TMEM260: variants seen among roughly 807,000 people sequenced by gnomAD.
TMEM260 encodes transmembrane protein 260.
In TMEM260, 82 loss-of-function variants were observed where a neutral mutation model predicts 88.9. The ratio of observed to expected loss-of-function variants is 0.92; its 90% CI spans 0.77 to 1.11. TMEM260 has a LOEUF of 1.11. TMEM260 is among the 50% of genes least tolerant of loss of function. The pLI, the probability that TMEM260 is intolerant of heterozygous loss-of-function variation, is 0.00. For synonymous variants in TMEM260, 314 were observed against 309.3 expected, an observed-to-expected ratio of 1.02 and a Z score of -0.16; for missense variants, 902 against 853.4, an observed-to-expected ratio of 1.06 and a Z score of -0.71.
At chr14:56,581,825 A>G (rs1885157046) in intron 1 of TMEM260, among the ~76,000 whole-genome samples, 1 of 152,242 alleles carries the variant, frequency 6.6e-6, no homozygotes, top group Non-Finnish European at 1.5e-5. Context: ...CTTAACCTCT[A>G]CTTTTCGTCA....
At chr14:56,639,649 TGCAGTGCACCATGTGTGAGCCAAA>T (rs1368341001) in intron 15 of TMEM260, among the ~76,000 whole-genome samples, 9 of 152,184 alleles carry the variant, frequency 5.9e-5, no homozygotes, top group Admixed American at 2.6e-4. Flanking sequence ...GGACAGTGGG[TGCAGTGCACCATGTGTGAGCCAAA>T]GCAGGGCAAG....
At chr14:56,592,844 CGTAGGGCAGTG>C (rs1232356191) in intron 3 of TMEM260, among the ~76,000 whole-genome samples, 1 of 152,118 alleles carries the variant, frequency 6.6e-6, no homozygotes, top group Non-Finnish European at 1.5e-5. Context: ...TCAGTATAGA[CGTAGGGCAGTG>C]TACCTTCCGT....
intron 7 of TMEM260, among the ~76,000 whole-genome samples, chr14:56,614,724 C>T (rs1007950043): frequency 2.6e-5 from 4 of 152,064 alleles, no homozygotes; most frequent in African/African-American, 9.7e-5. Context: ...CACACCCACA[C>T]TTCTGTGTTC....
intron 9 of TMEM260, among the ~76,000 whole-genome samples, chr14:56,617,821 A>C (rs1887681118): frequency 6.6e-6 from 1 of 152,216 alleles, no homozygotes; most frequent in Non-Finnish European, 1.5e-5. Context: ...GTGTGTGTTC[A>C]GGAAGCCTAA....
intron 15 of TMEM260, among the ~76,000 whole-genome samples, chr14:56,636,801 A>G (rs1376288888): frequency 1.3e-5 from 2 of 151,708 alleles, no homozygotes; most frequent in African/African-American, 4.9e-5. Context: ...GCAGAATAAT[A>G]CCTCCCACCC....
chr14:56,602,182 C>T (rs2139547454), intron 3 of TMEM260, among the ~76,000 whole-genome samples: 1 of 152,042 alleles, frequency 6.6e-6, no homozygotes, highest in East Asian at 1.9e-4. Flanking sequence ...TTGTTACAGA[C>T]AATTAAATAC....
chr14:56,641,150 A>C lies in TMEM260; in HGVS notation c.1869+4552A>C, dbSNP rs1594896842. On this transcript the variant is annotated intron_variant, in intron 15 of 15. Coordinates refer to ENST00000261556, the MANE Select transcript of TMEM260 (RefSeq NM_017799.4). ...GCAAGTCAGGCCAGCATTCAAATTCAGGAAATACAGAGAACACCACAAAGA... is the reference window on the plus strand; with the variant it reads ...GCAAGTCAGGCCAGCATTCAAATTCCGGAAATACAGAGAACACCACAAAGA... Among the ~76,000 whole-genome samples the C allele has an allele frequency of 3.3e-5, 5 of 151,224 alleles. No individual in the cohort carries two copies. In the Middle Eastern group the frequency reaches 0.014, roughly 414 times the overall value.
At chr14:56,635,548 T>C (rs1888982830) in intron 14 of TMEM260, among the ~76,000 whole-genome samples, 1 of 152,214 alleles carries the variant, frequency 6.6e-6, no homozygotes, top group Admixed American at 6.5e-5. Context: ...CATCCTGTCC[T>C]GTATGGAACA....
chr14:56,585,593 T>C, intron 2 of TMEM260, 168 bp from the exon 3 acceptor site: 2 of 615,672 alleles, frequency 3.2e-6, no homozygotes, highest in Non-Finnish European at 5.5e-6. Flanking sequence ...AAAATATTTA[T>C]TTGTATTGCC....
intron 12 of TMEM260, among the ~76,000 whole-genome samples, chr14:56,626,051 G>T (rs1034912361): frequency 2.0e-5 from 3 of 152,138 alleles, no homozygotes; most frequent in African/African-American, 4.8e-5. Flanking sequence ...TTGTAGTTAG[G>T]TCAAGAATAA....
chr14:56,580,006 C>A lies in TMEM260; in HGVS notation c.92C>A (p.Ala31Glu). 8.0e-7 allele frequency: 1 copy of A among 1,247,342 alleles called. No individual in the cohort carries two copies. Among genetic ancestry groups the A allele is most frequent in the Non-Finnish European group, 1.0e-6 (1 of 989,146 alleles). The allele number at this position is 1,247,342 out of a possible 1,614,324, so 77.3% of individuals were successfully genotyped here. ...TCCGGGGGCATCCGCGGCGGCGTGG[C>A]GGTGTTCGCCGCCGTGGCCGCAGTG... The part of the protein sequence containing the change: ...RRSGGIRGGV[A>E]VFAAVAAVFT... Residue 31 changes from alanine (A) to glutamate (E), a missense_variant, in exon 1 of 16, where the codon GCG becomes GAG. Coordinates refer to ENST00000261556, the MANE Select transcript of TMEM260 (RefSeq NM_017799.4).
chr14:56,579,925 A>G lies in TMEM260; in HGVS notation c.11A>G (p.His4Arg), dbSNP rs1884992222. Residue 4 changes from histidine to arginine, a missense_variant, in exon 1 of 16, where the codon CAT (histidine) becomes CGT (arginine). By Grantham distance (29) the His-to-Arg change is conservative (BLOSUM62 0). Transcript: ENST00000261556. ...GGTCGCCACTGGCCCATGAGTCCCCATGGCGACGGCAGGGGCCAGGCCCAG... is the reference window on the plus strand; with the variant it reads ...GGTCGCCACTGGCCCATGAGTCCCCGTGGCGACGGCAGGGGCCAGGCCCAG... MSP[H>R]GDGRGQAQGR... 1.6e-6 allele frequency: 2 copies of G among 1,234,444 alleles called. No homozygotes were observed. Among genetic ancestry groups the G allele is most frequent in the Non-Finnish European group, 2.0e-6 (2 of 987,924 alleles). The allele number at this position is 1,234,444 out of a possible 1,614,324, so 76.5% of individuals were successfully genotyped here.
rs118020091 is a variant in TMEM260, at chr14:56,616,684, A to G, written c.942-499A>G. Among the ~76,000 whole-genome samples the G allele has an allele frequency of 4.6e-5, 7 of 152,058 alleles. No homozygotes were observed. In the East Asian group the frequency reaches 1.2e-3, roughly 25 times the overall value. On this transcript the variant is annotated intron_variant, in intron 8 of 15. Transcript: ENST00000261556. ...AAAGCATTTTTATGGATTAATCTTT[A>G]TTTACATTTCTGGTTATTGCTTAAA...
At chr14:56,592,649 T>A (rs1885936316) in intron 3 of TMEM260, among the ~76,000 whole-genome samples, 1 of 152,206 alleles carries the variant, frequency 6.6e-6, no homozygotes. Flanking sequence ...CATGGAAGGA[T>A]AAGGGTGGTA....
chr14:56,641,183 C>G (rs778178872), intron 15 of TMEM260, among the ~76,000 whole-genome samples: 6 of 151,236 alleles, frequency 4.0e-5, no homozygotes, highest in African/African-American at 7.3e-5. Context: ...AGATACTCCT[C>G]GAGAAGAGCA....
Position 56,580,546 on chromosome 14 carries a change from A to G in TMEM260, c.160+472A>G, listed in dbSNP as rs115793417. Among the ~76,000 whole-genome samples the G allele has an allele frequency of 3.6e-3, 546 of 152,308 alleles. 5 individuals carry two copies. The highest frequency in any genetic ancestry group is 0.013 in the African/African-American group (530 of 41,578). ...AAGTTATGGAGACAGTAGGAGGGAA[A>G]TATGATTGAGAGTGGGGGTAAGTAG... On this transcript the variant is annotated intron_variant, in intron 1 of 15. Coordinates refer to ENST00000261556, the MANE Select transcript of TMEM260 (RefSeq NM_017799.4).
chr14:56,633,142 T>A lies in TMEM260; in HGVS notation c.1695T>A (p.Ser565Arg), dbSNP rs200729811. The change falls in exon 13 of 16, where the codon AGT becomes AGA. Residue 565 changes from serine to arginine, a missense_variant. By Grantham distance (110) the Ser-to-Arg change is moderately radical. Transcript: ENST00000261556. ...NPEEWIKLTK[S>R]IYNWTEEYGR... is the part of the protein sequence containing the mutation. ...AGGAATGGATTAAACTTACAAAAAG[T>A]ATCTATAACTGGACCGAAGAATATG... The A allele has an allele frequency of 6.2e-7, 1 of 1,612,914 alleles. No homozygotes were observed. The highest frequency in any genetic ancestry group is 8.5e-7 in the Non-Finnish European group (1 of 1,179,390).
chr14:56,607,420 A>G (rs992837992), intron 5 of TMEM260, among the ~76,000 whole-genome samples: 1 of 152,186 alleles, frequency 6.6e-6, no homozygotes, highest in African/African-American at 2.4e-5. Flanking sequence ...GAGTGATGAA[A>G]TTGTGAAAAC....
intron 15 of TMEM260, among the ~76,000 whole-genome samples, chr14:56,645,106 A>T (rs565532618): frequency 8.6e-5 from 13 of 150,818 alleles, no homozygotes; most frequent in African/African-American, 3.2e-4. Context: ...GGGATCTAGA[A>T]CTAGAAATAC....
Sources: gnomAD v4.1 joint callset for allele counts (sites outside exome capture counted in the v4.1 genomes callset) on GRCh38, gnomAD v4.1.1 for gene constraint, MANE v1.5 for transcripts, NCBI Gene and HGNC (gene_info 2026-07-23, HGNC 2026-07-21) for gene names.